BPTF: variants seen among roughly 807,000 people sequenced by gnomAD.
BPTF encodes the protein bromodomain PHD finger transcription factor.
BPTF carries 18 observed loss-of-function variants against 292.5 expected under a neutral mutation model. That is an observed-to-expected ratio of 0.06 (90% CI 0.04 to 0.09). The LOEUF (loss-of-function observed/expected upper bound fraction) is 0.09, where lower values mean the gene tolerates loss of function less well. BPTF is among the 10% of genes least tolerant of loss of function. The pLI is 1.00. For synonymous variants in BPTF, 1,225 were observed against 1,251.9 expected (o/e 0.98, Z 0.45); for missense variants, 2,726 against 3,498.7 (o/e 0.78, Z 5.57).
intron 16 of BPTF, 30 bp downstream of exon 16, chr17:67,928,631 C>T (rs1261467985): frequency 6.4e-7 from 1 of 1,554,620 alleles, no homozygotes; most frequent in Non-Finnish European, 8.7e-7. Context: ...TAAAAGATTA[C>T]TTTGGTTCAG....
chr17:67,930,959 A>C (rs2064332392), intron 17 of BPTF, among the ~76,000 whole-genome samples: 2 of 151,936 alleles, frequency 1.3e-5, no homozygotes, highest in South Asian at 4.2e-4. Flanking sequence ...TGTCTCAAAA[A>C]AAAAAAAAAG....
chr17:67,966,800 A>T, intron 26 of BPTF, 144 bp downstream of exon 26: 1 of 751,424 alleles, frequency 1.3e-6, no homozygotes, highest in Non-Finnish European at 2.0e-6. Context: ...AATTGTTAGT[A>T]TCTATTAAAG....
At position 67,959,753 on chromosome 17, in the gene BPTF, G is replaced by A; in HGVS notation, c.8139G>A (p.Arg2713=). 1 of 1,613,748 alleles carries A rather than the reference G, an allele frequency of 6.2e-7. No homozygotes were observed. The highest frequency in any genetic ancestry group is 8.5e-7 in the Non-Finnish European group (1 of 1,179,944). The change falls in exon 24 of 28, where the codon CGG becomes CGA. Residue 2713 remains arginine (R), a synonymous_variant. Coordinates refer to ENST00000306378, the MANE Select transcript of BPTF (RefSeq NM_182641.4). The part of the protein sequence containing the change: ...TLPAASQKRK[R]EEEKDSSSKS... ...CTGCTGCTTCCCAGAAGAGGAAGCG[G>A]GAAGAGGAAAAAGACTCCAGCTCAA...
intron 23 of BPTF, among the ~76,000 whole-genome samples, chr17:67,950,051 C>CAAAA (rs567911150): frequency 8.6e-4 from 59 of 68,254 alleles, no homozygotes; most frequent in Non-Finnish European, 1.0e-3. Flanking sequence ...GAGACTGTCT[C>CAAAA]AAAAAAAAAA....
chr17:67,834,505 A>G (rs1315343889), intron 1 of BPTF, among the ~76,000 whole-genome samples: 3 of 152,126 alleles, frequency 2.0e-5, no homozygotes, highest in African/African-American at 4.8e-5. Flanking sequence ...GAAGTCTTGA[A>G]GTCTGCAGCT....
intron 9 of BPTF, among the ~76,000 whole-genome samples, chr17:67,908,671 A>G (rs1019181802): frequency 3.4e-5 from 5 of 147,610 alleles, no homozygotes; most frequent in East Asian, 2.1e-4. Flanking sequence ...TGTATTTTTA[A>G]TAGAGGCGGG....
intron 9 of BPTF, 38 bp from the exon 10 acceptor site, chr17:67,909,544 G>T: frequency 7.2e-7 from 1 of 1,386,562 alleles, no homozygotes; most frequent in Non-Finnish European, 9.7e-7. Flanking sequence ...CTAATACTCT[G>T]GAAATAACGT....
At chr17:67,934,177 AATTAAT>A (rs1321871770) in intron 18 of BPTF, among the ~76,000 whole-genome samples, 2 of 152,190 alleles carry the variant, frequency 1.3e-5, no homozygotes, top group African/African-American at 4.8e-5. Flanking sequence ...TAAAGCTAGA[AATTAAT>A]ATTAAAATAC....
chr17:67,881,206 A>G (rs2060379161), intron 4 of BPTF, among the ~76,000 whole-genome samples: 1 of 152,200 alleles, frequency 6.6e-6, no homozygotes, highest in Non-Finnish European at 1.5e-5. Context: ...GGCTCAGATT[A>G]AAGATTAAAC....
chr17:67,828,047 TCAGCCTCCTGAG>T (rs2056272664), intron 1 of BPTF, among the ~76,000 whole-genome samples: 1 of 151,270 alleles, frequency 6.6e-6, no homozygotes, highest in Admixed American at 6.6e-5. Flanking sequence ...TTCTCCTGCC[TCAGCCTCCTGAG>T]CAGCTGGGAT....
chr17:67,895,265 G>A (rs1250653054), intron 7 of BPTF, among the ~76,000 whole-genome samples: 4 of 149,022 alleles, frequency 2.7e-5, no homozygotes, highest in African/African-American at 7.4e-5. Flanking sequence ...CTCAGGAGGC[G>A]GAGGTTACAG....
chr17:67,948,375 C>CT, intron 23 of BPTF, 69 bp downstream of exon 23: 1 of 1,383,194 alleles, frequency 7.2e-7, no homozygotes, highest in South Asian at 1.4e-5. Context: ...TTTCCCTTGC[C>CT]TTTTTAATAA....
intron 2 of BPTF, among the ~76,000 whole-genome samples, chr17:67,858,096 C>T (rs1009767828): frequency 1.2e-4 from 19 of 152,118 alleles, no homozygotes; most frequent in Non-Finnish European, 2.6e-4. Flanking sequence ...AACAATATTT[C>T]TTTAGCATGG....
At chr17:67,916,954 A>C in intron 11 of BPTF, among the ~76,000 whole-genome samples, 1 of 152,074 alleles carries the variant, frequency 6.6e-6, no homozygotes. Context: ...AAAGATATAT[A>C]GTGAATTCCA....
intron 26 of BPTF, among the ~76,000 whole-genome samples, chr17:67,970,036 C>A (rs1243694131): frequency 6.6e-6 from 1 of 152,068 alleles, no homozygotes; most frequent in African/African-American, 2.4e-5. Context: ...GAGTTCAAGA[C>A]CAGCCTGACC....
intron 27 of BPTF, among the ~76,000 whole-genome samples, chr17:67,976,344 A>G (rs190515634): frequency 6.6e-6 from 1 of 152,304 alleles, no homozygotes; most frequent in Non-Finnish European, 1.5e-5. Flanking sequence ...GTGGTGACGC[A>G]CGCATGTAAT....
intron 11 of BPTF, among the ~76,000 whole-genome samples, chr17:67,918,096 G>A (rs1341579631): frequency 6.7e-6 from 1 of 150,094 alleles, no homozygotes; most frequent in African/African-American, 2.5e-5. Context: ...ACCATGCCCG[G>A]CCCTAAGTTT....
chr17:67,968,969 G>C (rs374956238), intron 26 of BPTF, among the ~76,000 whole-genome samples: 2 of 149,006 alleles, frequency 1.3e-5, no homozygotes, highest in South Asian at 4.2e-4. Context: ...TAACAAAAGC[G>C]AAACTCCATC....
At chr17:67,920,806 A>G (rs1266660489) in intron 13 of BPTF, among the ~76,000 whole-genome samples, 1 of 152,192 alleles carries the variant, frequency 6.6e-6, no homozygotes, top group Non-Finnish European at 1.5e-5. Context: ...TGAGAATTAA[A>G]AGTATTAGCA....
Sources: allele counts gnomAD v4.1 joint callset (sites outside exome capture counted in the v4.1 genomes callset), GRCh38; gene constraint gnomAD v4.1.1; transcripts MANE v1.5; gene names NCBI Gene and HGNC (gene_info 2026-07-23, HGNC 2026-07-21).